The following ZFHX3 variants were observed in gnomAD, a reference collection of about 807,000 sequenced individuals.
ZFHX3 encodes zinc finger homeobox protein 3.
A neutral mutation model predicts 279.1 loss-of-function variants in ZFHX3; 42 were observed. That is an observed-to-expected ratio of 0.15 (90% CI 0.12 to 0.19). The LOEUF (loss-of-function observed/expected upper bound fraction) is 0.19, where lower values mean the gene tolerates loss of function less well. Among genes scored for constraint, ZFHX3 ranks in the 10% least tolerant of loss-of-function variants. The pLI is 1.00. For missense variants in ZFHX3, 4,981 were observed against 4,754.0 expected (o/e 1.05, Z -1.40); for synonymous variants, 2,293 against 1,957.8 (o/e 1.17, Z -4.52).
intron 4 of ZFHX3, among the ~76,000 whole-genome samples, chr16:73,278,418 G>T (rs1182228801): frequency 6.6e-6 from 1 of 152,170 alleles, no homozygotes; most frequent in Non-Finnish European, 1.5e-5. Flanking sequence ...TCCTTCCACT[G>T]GGTTCGTGGT....
intron 3 of ZFHX3, among the ~76,000 whole-genome samples, chr16:73,410,603 C>T (rs925093094): frequency 2.0e-5 from 3 of 152,152 alleles, no homozygotes; most frequent in African/African-American, 7.2e-5. Context: ...TGTGTATCCA[C>T]AATTAAGAAA....
chr16:73,832,085 G>C (rs1296383729), intron 1 of ZFHX3, among the ~76,000 whole-genome samples: 1 of 152,152 alleles, frequency 6.6e-6, no homozygotes, highest in Non-Finnish European at 1.5e-5. Flanking sequence ...GTTTTTAGTA[G>C]AGATGGGGTT....
chr16:73,890,546 T>C (rs1428975542), intron 1 of ZFHX3, among the ~76,000 whole-genome samples: 1 of 152,230 alleles, frequency 6.6e-6, no homozygotes, highest in African/African-American at 2.4e-5. Context: ...AGATTCGGTT[T>C]TTTAATTTTT....
At chr16:72,880,274 A>G (rs546824515) in intron 4 of ZFHX3, among the ~76,000 whole-genome samples, 2 of 152,352 alleles carry the variant, frequency 1.3e-5, no homozygotes, top group Non-Finnish European at 2.9e-5. Context: ...AGTCTGGGTA[A>G]TAGACTGAAC....
upstream of ZFHX3, among the ~76,000 whole-genome samples, chr16:73,051,619 C>T (rs184898038): frequency 7.3e-4 from 111 of 152,340 alleles, no homozygotes; most frequent in South Asian, 2.1e-3. Context: ...CCCTCCCCAG[C>T]TCAGGTGCTA....
At chr16:73,512,639 G>A (rs900136871) in intron 2 of ZFHX3, among the ~76,000 whole-genome samples, 1 of 152,192 alleles carries the variant, frequency 6.6e-6, no homozygotes, top group Admixed American at 6.5e-5. Context: ...CTCAGGGTTT[G>A]ATGGTCTGGC....
At chr16:73,656,943 G>A (rs1032579130) in intron 2 of ZFHX3, among the ~76,000 whole-genome samples, 1 of 152,194 alleles carries the variant, frequency 6.6e-6, no homozygotes, top group African/African-American at 2.4e-5. Flanking sequence ...CAAATCCTGG[G>A]ATAGAATGCC....
chr16:72,795,410 C>G lies in ZFHX3; in HGVS notation c.7272G>C (p.Glu2424Asp). The G allele has an allele frequency of 6.2e-7, 1 of 1,614,114 alleles. No individual in the cohort carries two copies. ...CCAGCTTTGGTTTCTCATCGCCTGC[C>G]TCTGTTTTTGAATTGAAGGTGGCCA... ...EELATFNSKTEAGDEKPKLAE... is the reference protein window; with the variant it reads ...EELATFNSKTDAGDEKPKLAE... The change falls in exon 9 of 10, where the codon GAG becomes GAC. Residue 2424 changes from glutamate to aspartate, a missense_variant. Glu to Asp is a conservative substitution (Grantham distance 45). This residue lies in a region of ZFHX3 where 744 missense variants were observed against 701.3 expected (regional missense o/e 1.06). Coordinates refer to ENST00000268489, the MANE Select transcript of ZFHX3 (RefSeq NM_006885.4).
At position 73,032,522 on chromosome 16, in the gene ZFHX3, A is replaced by C. The variant is rs187846933; in HGVS notation, c.-50+15230T>G. On this transcript the variant is annotated intron_variant, in intron 1 of 9. Coordinates refer to ENST00000268489, the MANE Select transcript of ZFHX3 (RefSeq NM_006885.4). ...ACTTCACGAGCGCATGCGACAAAGTAACAGGAACCTAGAAAACTTCTCTTC... is the reference window on the plus strand; with the variant it reads ...ACTTCACGAGCGCATGCGACAAAGTCACAGGAACCTAGAAAACTTCTCTTC... 2.1e-3 allele frequency among the ~76,000 whole-genome samples: 324 copies of C among 152,308 alleles called. 1 individual carries two copies. The highest frequency in any genetic ancestry group is 7.6e-3 in the African/African-American group (315 of 41,572).
chr16:73,339,782 C>G (rs1429070692), intron 3 of ZFHX3, among the ~76,000 whole-genome samples: 1 of 152,168 alleles, frequency 6.6e-6, no homozygotes, highest in Non-Finnish European at 1.5e-5. Context: ...GGATATTCCA[C>G]AAATAAAGCA....
At chr16:73,389,297 T>A (rs1441321287) in intron 3 of ZFHX3, 2 of 152,098 alleles carry the variant, frequency 1.3e-5, no homozygotes, top group African/African-American at 4.8e-5. Context: ...GCTTTTGCAC[T>A]AGAACGGGGT....
chr16:72,869,061 C>T (rs1305338195), intron 4 of ZFHX3, among the ~76,000 whole-genome samples: 1 of 152,226 alleles, frequency 6.6e-6, no homozygotes, highest in African/African-American at 2.4e-5. Context: ...CCAGGGCAAA[C>T]ATCTGCTTTC....
At chr16:73,873,794 A>G (rs373383387) in intron 1 of ZFHX3, among the ~76,000 whole-genome samples, 1 of 152,258 alleles carries the variant, frequency 6.6e-6, no homozygotes, top group African/African-American at 2.4e-5. Context: ...CACGTGACTA[A>G]ATAATCTGAT....
At chr16:73,656,222 A>G (rs1567543945) in intron 2 of ZFHX3, among the ~76,000 whole-genome samples, 1 of 152,244 alleles carries the variant, frequency 6.6e-6, no homozygotes, top group Admixed American at 6.5e-5. Context: ...CACAGAAATC[A>G]TGTGGTCCAC....
At chr16:73,515,572 A>G in intron 2 of ZFHX3, among the ~76,000 whole-genome samples, 3 of 151,768 alleles carry the variant, frequency 2.0e-5, no homozygotes, top group African/African-American at 7.3e-5. Flanking sequence ...GAGAGAAAGA[A>G]AGAAAGAGGG....
Position 73,863,130 on chromosome 16 carries a change from C to T in ZFHX3, c.-1608+28521G>A, listed in dbSNP as rs554020168. Among the ~76,000 whole-genome samples, 118 of 152,274 alleles carry T rather than the reference C, an allele frequency of 7.7e-4. No individual in the cohort carries two copies. In the South Asian group the frequency reaches 0.023, roughly 29 times the overall value. ...CTGAAGCAGGAGAATGGCTTGAACC[C>T]GGGAGGCGGAGGTTGCAGTGAGCGG... On this transcript the variant is annotated intron_variant, in intron 1 of 17. Coordinates refer to the ZFHX3 transcript ENST00000641206.
intron 1 of ZFHX3, among the ~76,000 whole-genome samples, chr16:73,854,698 C>A (rs2729613): frequency 0.54 from 70,235 of 129,244 alleles, 19,096 homozygotes; most frequent in African/African-American, 0.72. Flanking sequence ...GGAGGTGATG[C>A]GATAAAGAAA....
At chr16:73,466,229 C>A (rs1330071747) in intron 2 of ZFHX3, among the ~76,000 whole-genome samples, 1 of 152,134 alleles carries the variant, frequency 6.6e-6, no homozygotes, top group South Asian at 2.1e-4. Context: ...TGCCTGTAAT[C>A]CCAGCACTTT....
chr16:73,673,335 T>A (rs187479886), intron 2 of ZFHX3, among the ~76,000 whole-genome samples: 45 of 152,284 alleles, frequency 3.0e-4, no homozygotes, highest in Non-Finnish European at 3.8e-4. Context: ...GTAACCTACA[T>A]ATATATGACA....
Sources: allele counts gnomAD v4.1 joint callset (sites outside exome capture counted in the v4.1 genomes callset), GRCh38; gene constraint gnomAD v4.1.1; regional missense constraint gnomAD v4.1.1; transcripts MANE v1.5; gene names NCBI Gene and HGNC (gene_info 2026-07-23, HGNC 2026-07-21).